DENND1A: variants seen among roughly 807,000 people sequenced by gnomAD.
DENND1A encodes DENN domain-containing protein 1A.
DENND1A carries 51 observed loss-of-function variants against 113.7 expected under a neutral mutation model. That is an observed-to-expected ratio of 0.45 (90% CI 0.36 to 0.57). The LOEUF is 0.57. DENND1A is among the 20% of genes least tolerant of loss of function. The pLI, the probability that DENND1A is intolerant of heterozygous loss-of-function variation, is 0.00. For synonymous variants in DENND1A, 565 were observed against 570.8 expected (o/e 0.99, Z 0.14); for missense variants, 1,258 against 1,395.9 (o/e 0.90, Z 1.57).
At chr9:123,740,546 T>C (rs772408720) in intron 5 of DENND1A, among the ~76,000 whole-genome samples, 2 of 152,070 alleles carry the variant, frequency 1.3e-5, no homozygotes, top group East Asian at 1.9e-4. Flanking sequence ...TTCCCTTTGA[T>C]AGAGAGCAGG....
intron 5 of DENND1A, among the ~76,000 whole-genome samples, chr9:123,740,223 G>A (rs1175183197): frequency 6.6e-6 from 1 of 152,170 alleles, no homozygotes; most frequent in Non-Finnish European, 1.5e-5. Context: ...CTTAAGTTCA[G>A]ATAATTCTCC....
rs1564390395 is a variant in DENND1A, at chr9:123,381,704, T to C, written c.2941A>G (p.Arg981Gly). The C allele has an allele frequency of 6.4e-7, 1 of 1,550,898 alleles. No homozygotes were observed. The highest frequency in any genetic ancestry group is 1.4e-5 in the African/African-American group (1 of 73,140). Residue 981 changes from arginine (R) to glycine (G), a missense_variant, in exon 24 of 24, where the codon AGG becomes GGG. Transcript: ENST00000394215. This position sits in a 1 kb window ranked among gnomAD's most constrained non-coding sequence, Gnocchi z 4.7. ...PLGPPAVAPS[R>G]IRTLPLARSS... ...CGGGCCAGGGGCAACGTTCGGATCCTCGACGGGGCAACTGCTGGGGGACCC... is the reference window on the plus strand; with the variant it reads ...CGGGCCAGGGGCAACGTTCGGATCCCCGACGGGGCAACTGCTGGGGGACCC...
At chr9:123,645,042 C>A (rs1384600734) in intron 9 of DENND1A, among the ~76,000 whole-genome samples, 2 of 152,194 alleles carry the variant, frequency 1.3e-5, no homozygotes, top group Non-Finnish European at 2.9e-5. Context: ...TTAGTTAAGC[C>A]TTCCCTATTT....
chr9:123,579,387 G>A (rs1438053260), intron 12 of DENND1A, among the ~76,000 whole-genome samples: 4 of 152,134 alleles, frequency 2.6e-5, no homozygotes, highest in Non-Finnish European at 5.9e-5. Flanking sequence ...AGTTATAGGA[G>A]AATTTTTTTG....
In DENND1A at chr9:123,651,922, T is replaced by C. The variant is rs189590905; in HGVS notation, c.618+91A>G. The C allele has an allele frequency of 2.7e-3, 3,034 of 1,117,474 alleles. 4 individuals carry two copies. Among genetic ancestry groups the C allele is most frequent in the Non-Finnish European group, 3.7e-3 (2,852 of 775,906 alleles). 69.2% of individuals were successfully genotyped at this position (1,117,474 alleles called of 1,614,324 possible). On this transcript the variant is annotated intron_variant, in intron 9 of 23. Transcript: ENST00000394215. ...GCCATATAAGGGGACTGTAGCTGAC[T>C]CCTTTTTCTAAAATTTTCTTTCATC...
chr9:123,569,245 C>T (rs750923652), intron 12 of DENND1A, among the ~76,000 whole-genome samples: 12 of 152,144 alleles, frequency 7.9e-5, no homozygotes, highest in Non-Finnish European at 1.2e-4. Context: ...TAATTGAATT[C>T]GCTGGCAGCA....
intron 2 of DENND1A, among the ~76,000 whole-genome samples, chr9:123,815,349 C>G (rs1837271020): frequency 6.6e-6 from 1 of 152,220 alleles, no homozygotes; most frequent in Non-Finnish European, 1.5e-5. Flanking sequence ...TGTGTAAAGT[C>G]TGACATCCCC....
At chr9:123,734,513 A>T (rs1564162681) in intron 5 of DENND1A, among the ~76,000 whole-genome samples, 1 of 152,058 alleles carries the variant, frequency 6.6e-6, no homozygotes, top group East Asian at 1.9e-4. Context: ...ATAACAATAC[A>T]CGTTTCCTTA....
chr9:123,763,134 G>T (rs1589982488), intron 4 of DENND1A, among the ~76,000 whole-genome samples: 2 of 149,648 alleles, frequency 1.3e-5, no homozygotes, highest in East Asian at 2.0e-4. Flanking sequence ...GAATGATTTT[G>T]ATCAAGAGAA....
chr9:123,917,002 A>T (rs1230465402), intron 1 of DENND1A, among the ~76,000 whole-genome samples: 2 of 151,932 alleles, frequency 1.3e-5, no homozygotes, highest in African/African-American at 4.8e-5. Context: ...TGGCCAAAAA[A>T]GTGAAACCCT....
At chr9:123,568,539 T>C (rs1014720911) in intron 12 of DENND1A, among the ~76,000 whole-genome samples, 1 of 152,248 alleles carries the variant, frequency 6.6e-6, no homozygotes. Context: ...CATCAATTAC[T>C]GAAATGTCAC....
intron 5 of DENND1A, among the ~76,000 whole-genome samples, chr9:123,701,962 C>T (rs985897779): frequency 3.9e-5 from 6 of 152,148 alleles, no homozygotes; most frequent in African/African-American, 1.4e-4. Context: ...AAATGAGGTA[C>T]TAGTGACTGA....
At chr9:123,492,916 T>C (rs970730530) in intron 13 of DENND1A, 7 of 152,110 alleles carry the variant, frequency 4.6e-5, no homozygotes, top group African/African-American at 1.7e-4. Context: ...ATTGAGAAAT[T>C]AGCAAAAAAC....
At chr9:123,696,499 A>G (rs993532903) in intron 5 of DENND1A, among the ~76,000 whole-genome samples, 1 of 152,232 alleles carries the variant, frequency 6.6e-6, no homozygotes, top group Non-Finnish European at 1.5e-5. Flanking sequence ...TTCAAATCCT[A>G]TGAACACTGA....
intron 9 of DENND1A, among the ~76,000 whole-genome samples, chr9:123,644,789 G>A (rs2062224323): frequency 6.6e-6 from 1 of 152,164 alleles, no homozygotes; most frequent in Non-Finnish European, 1.5e-5. Flanking sequence ...ACTAGGACAT[G>A]ACCTTGGGCA....
At chr9:123,407,391 TACAC>T (rs1426235672) in intron 20 of DENND1A, among the ~76,000 whole-genome samples, 1 of 151,308 alleles carries the variant, frequency 6.6e-6, no homozygotes, top group Non-Finnish European at 1.5e-5. Context: ...ATCTCACAAA[TACAC>T]ACTCACAGAG....
intron 2 of DENND1A, among the ~76,000 whole-genome samples, chr9:123,819,993 T>C (rs912597479): frequency 6.6e-6 from 1 of 152,068 alleles, no homozygotes; most frequent in African/African-American, 2.4e-5. Flanking sequence ...GATACCTACA[T>C]ATATGGTAAA....
rs1588603475 is a variant in DENND1A, at chr9:123,452,354, T to C, written c.1228-7A>G. 5 of 1,613,854 alleles carry C rather than the reference T, an allele frequency of 3.1e-6. No individual in the cohort carries two copies. In the East Asian group the frequency reaches 8.9e-5, roughly 29 times the overall value. On this transcript the variant is annotated splice_polypyrimidine_tract_variant and splice_region_variant and intron_variant, in intron 16 of 23. Transcript: ENST00000394215. ...GAATTGCTCCACTTCCTTTCTATAA[T>C]AAAAATGTCAATTAGCAATTTGGGC...
At chr9:123,449,761 T>C (rs907460018) in intron 18 of DENND1A, among the ~76,000 whole-genome samples, 3 of 152,054 alleles carry the variant, frequency 2.0e-5, no homozygotes, top group African/African-American at 7.2e-5. Context: ...CCAAACATTG[T>C]ATGTTATCAC....
Sources: gnomAD v4.1 joint callset for allele counts (sites outside exome capture counted in the v4.1 genomes callset) on GRCh38, gnomAD v4.1.1 for gene constraint, Gnocchi (gnomAD v3.1) non-coding constraint, MANE v1.5 for transcripts, NCBI Gene and HGNC (gene_info 2026-07-23, HGNC 2026-07-21) for gene names.